The following FRMD3 variants were observed in gnomAD, a reference collection of about 807,000 sequenced individuals.
FRMD3 encodes the protein FERM domain containing 3, also known as FERM domain-containing protein 3.
FRMD3 carries 33 observed loss-of-function variants against 70.2 expected under a neutral mutation model. The observed-to-expected ratio is 0.47, with a 90% CI of 0.36 to 0.63. The LOEUF (loss-of-function observed/expected upper bound fraction) is 0.63, where lower values mean the gene tolerates loss of function less well. Ranked by LOEUF, FRMD3 falls within the 20% of genes least tolerant of loss-of-function variation. FRMD3 has a pLI of 0.00. For synonymous variants in FRMD3, 279 were observed against 255.9 expected (o/e 1.09, Z -0.86); for missense variants, 632 against 711.4 (o/e 0.89, Z 1.27).
rs143977488 is a variant in FRMD3 at position 83,385,862 on chromosome 9, A to T, written c.252+3742T>A. ...GCCCATTTTCCGCCTTCTCTCTCCA[A>T]TGATCTTAATAGTAGTGCCCCCTGC... On this transcript the variant is annotated intron_variant, in intron 2 of 13. Transcript: ENST00000304195. 4.6e-5 allele frequency among the ~76,000 whole-genome samples: 7 copies of T among 152,210 alleles called. No individual in the cohort carries two copies. In the East Asian group the frequency reaches 1.4e-3, roughly 29 times the overall value.
chr9:83,515,341 T>C (rs1829432349), intron 1 of FRMD3, among the ~76,000 whole-genome samples: 1 of 151,658 alleles, frequency 6.6e-6, no homozygotes, highest in African/African-American at 2.4e-5. Flanking sequence ...AATCAATAGG[T>C]GAATCAATCA....
At chr9:83,459,047 GTAAACAGAGAGAAAAAT>G (rs1313840067) in intron 1 of FRMD3, among the ~76,000 whole-genome samples, 5 of 152,128 alleles carry the variant, frequency 3.3e-5, no homozygotes, top group African/African-American at 9.7e-5. Context: ...ACCCAATAGA[GTAAACAGAGAGAAAAAT>G]TAAAACTCCT....
At chr9:83,343,010 C>T (rs902423452) in intron 5 of FRMD3, among the ~76,000 whole-genome samples, 180 bp downstream of exon 5, 5 of 152,208 alleles carry the variant, frequency 3.3e-5, no homozygotes, top group East Asian at 1.9e-4. Context: ...AGCCTTTCAC[C>T]GGGACCCCAC....
At chr9:83,560,556 C>T in the FRMD3 span, among the ~76,000 whole-genome samples, 4 of 152,142 alleles carry the variant, frequency 2.6e-5, no homozygotes, top group East Asian at 1.9e-4. Context: ...AGAATAAATG[C>T]GTGTTGTTTA....
chr9:83,243,250 G>A, downstream of FRMD3: 1 of 1,547,650 alleles, frequency 6.5e-7, no homozygotes, highest in Non-Finnish European at 8.7e-7. Flanking sequence ...GAGAAAAGGA[G>A]AGAGGGAGAG....
At chr9:83,538,467 C>A (rs895048569), upstream of FRMD3, 9 of 351,538 alleles carry the variant, frequency 2.6e-5, no homozygotes, top group African/African-American at 8.5e-5. This position sits in a 1 kb window ranked among gnomAD's most constrained non-coding sequence, Gnocchi z 4.7. Flanking sequence ...CTCCTTCTGT[C>A]GCGCGCGCTC....
intron 6 of FRMD3, among the ~76,000 whole-genome samples, chr9:83,315,324 T>G (rs1212971468): frequency 6.6e-6 from 1 of 152,202 alleles, no homozygotes; most frequent in Non-Finnish European, 1.5e-5. Context: ...ATTTTTATAT[T>G]TGATGTATCA....
chr9:83,311,286 A>AG (rs1166514822), intron 8 of FRMD3, among the ~76,000 whole-genome samples: 4 of 109,972 alleles, frequency 3.6e-5, no homozygotes, highest in Admixed American at 9.4e-5. Flanking sequence ...AGAATGGCAG[A>AG]GAAAAAAAAA....
chr9:83,272,748 C>G (rs1246023722), intron 13 of FRMD3, among the ~76,000 whole-genome samples: 5 of 150,404 alleles, frequency 3.3e-5, no homozygotes, highest in African/African-American at 1.2e-4. Context: ...CGTCTCTGCC[C>G]GGCCGCCCAT....
chr9:83,555,567 T>G, the FRMD3 span, among the ~76,000 whole-genome samples: 1 of 152,206 alleles, frequency 6.6e-6, no homozygotes, highest in Non-Finnish European at 1.5e-5. Flanking sequence ...ATGCCACTAC[T>G]GGTAGCCAGC....
intron 1 of FRMD3, among the ~76,000 whole-genome samples, chr9:83,402,908 T>C (rs1825990931): frequency 2.2e-5 from 3 of 136,720 alleles, no homozygotes; most frequent in African/African-American, 9.1e-5. Context: ...CTTTTTTTTT[T>C]TTTTTTTTTT....
chr9:83,563,013 G>A, the FRMD3 span, among the ~76,000 whole-genome samples: 16 of 150,846 alleles, frequency 1.1e-4, no homozygotes, highest in East Asian at 1.9e-4. Flanking sequence ...ATGAGAGGCC[G>A]AATGAATGAA....
chr9:83,450,947 T>C (rs1394281974), intron 1 of FRMD3, among the ~76,000 whole-genome samples: 1 of 152,200 alleles, frequency 6.6e-6, no homozygotes, highest in Admixed American at 6.5e-5. Flanking sequence ...AATGTCCGTT[T>C]AATAAGTCCC....
chr9:83,326,630 T>A (rs56079822), intron 6 of FRMD3, among the ~76,000 whole-genome samples: 34,281 of 152,084 alleles, frequency 0.23, 4,338 homozygotes, highest in Admixed American at 0.3. Context: ...CTAAGATCAA[T>A]TAAATAGAAA....
chr9:83,303,192 A>G (rs1834991609), intron 10 of FRMD3, among the ~76,000 whole-genome samples: 1 of 152,194 alleles, frequency 6.6e-6, no homozygotes, highest in Non-Finnish European at 1.5e-5. Context: ...CAATAACAGC[A>G]TTTACTACTG....
At chr9:83,287,298 A>T (rs1834257367) in intron 13 of FRMD3, among the ~76,000 whole-genome samples, 1 of 152,208 alleles carries the variant, frequency 6.6e-6, no homozygotes, top group Non-Finnish European at 1.5e-5. Flanking sequence ...TACTGGATAG[A>T]AGCCATGGAA....
At chr9:83,310,030 C>G (rs751935282) in intron 9 of FRMD3, among the ~76,000 whole-genome samples, 4 of 152,224 alleles carry the variant, frequency 2.6e-5, no homozygotes, top group Non-Finnish European at 4.4e-5. Context: ...TGTTAATGGT[C>G]TCCGCACAAA....
chr9:83,452,897 C>A (rs2131419836), intron 1 of FRMD3, among the ~76,000 whole-genome samples: 1 of 141,858 alleles, frequency 7.0e-6, no homozygotes, highest in Non-Finnish European at 1.5e-5. Flanking sequence ...CCCTGTCACC[C>A]AGGCTGGAGT....
At chr9:83,526,683 A>C (rs931912348) in intron 1 of FRMD3, among the ~76,000 whole-genome samples, 8 of 152,034 alleles carry the variant, frequency 5.3e-5, no homozygotes, top group African/African-American at 1.9e-4. Flanking sequence ...CCCCCAACTG[A>C]CTGCGAGCTC....
Sources: allele counts gnomAD v4.1 joint callset (sites outside exome capture counted in the v4.1 genomes callset), GRCh38; gene constraint gnomAD v4.1.1; non-coding constraint Gnocchi (gnomAD v3.1); transcripts MANE v1.5; gene names NCBI Gene and HGNC (gene_info 2026-07-23, HGNC 2026-07-21).